The following BLTP2 variants were observed in gnomAD, a reference collection of about 807,000 sequenced individuals.
BLTP2 encodes bridge-like lipid transfer protein family member 2.
the BLTP2 span, chr17:28,642,101 A>G: frequency 1.2e-6 from 2 of 1,608,480 alleles, no homozygotes; most frequent in Non-Finnish European, 1.7e-6. Flanking sequence ...TAAGCCTCTA[A>G]GGTGTATGTA....
chr17:28,640,443 A>G, the BLTP2 span: 1 of 1,086,046 alleles, frequency 9.2e-7, no homozygotes, highest in Non-Finnish European at 1.4e-6. Flanking sequence ...GGATGTAACC[A>G]TTTCTACTTC....
At chr17:28,616,458 G>A in the BLTP2 span, 6 of 1,614,162 alleles carry the variant, frequency 3.7e-6, no homozygotes, top group East Asian at 4.5e-5. The surrounding 1 kb of genome is among the most constrained non-coding windows in gnomAD (Gnocchi z 4.8). Flanking sequence ...AGGGCCCAGT[G>A]GTACTGCATC....
the BLTP2 span, among the ~76,000 whole-genome samples, chr17:28,628,784 A>G: frequency 6.6e-6 from 1 of 152,172 alleles, no homozygotes; most frequent in Non-Finnish European, 1.5e-5. Flanking sequence ...AATACAAAAA[A>G]TTAGCTGGGC....
At chr17:28,622,502 C>G in the BLTP2 span, among the ~76,000 whole-genome samples, 42 of 152,272 alleles carry the variant, frequency 2.8e-4, no homozygotes, top group Non-Finnish European at 5.3e-4. Context: ...CCAGATACAG[C>G]TAAATCCTGT....
chr17:28,627,030 C>G, the BLTP2 span, among the ~76,000 whole-genome samples: 35 of 152,158 alleles, frequency 2.3e-4, no homozygotes, highest in African/African-American at 8.0e-4. Context: ...GATGCTGTCC[C>G]TGGGTAGATA....
the BLTP2 span, chr17:28,637,843 G>C: frequency 6.2e-7 from 1 of 1,613,738 alleles, no homozygotes; most frequent in African/African-American, 1.3e-5. Flanking sequence ...TACCAACCAA[G>C]GCAGAAAGGG....
chr17:28,623,510 ACAGTTC>A, the BLTP2 span, among the ~76,000 whole-genome samples: 1 of 152,122 alleles, frequency 6.6e-6, no homozygotes, highest in East Asian at 1.9e-4. Flanking sequence ...AATCTTAAAA[ACAGTTC>A]CAGTCCATTT....
At chr17:28,644,273 A>C in the BLTP2 span, 1 of 1,465,378 alleles carries the variant, frequency 6.8e-7, no homozygotes, top group Admixed American at 2.0e-5. Flanking sequence ...AGCCTTGCAA[A>C]AGGTCGTTCC....
chr17:28,630,793 T>A, the BLTP2 span, among the ~76,000 whole-genome samples: 1 of 152,130 alleles, frequency 6.6e-6, no homozygotes, highest in Non-Finnish European at 1.5e-5. Flanking sequence ...CCTCCCCCAC[T>A]GTATTTTAAA....
the BLTP2 span, chr17:28,634,389 C>T: frequency 1.5e-5 from 13 of 866,300 alleles, no homozygotes; most frequent in Non-Finnish European, 2.4e-5. Context: ...GGGAAGCCCA[C>T]CCATCCCACT....
chr17:28,637,232 A>C, the BLTP2 span: 2 of 1,304,240 alleles, frequency 1.5e-6, no homozygotes, highest in Admixed American at 1.8e-5. Flanking sequence ...AATAGTCCTC[A>C]CTCGCCTTTC....
the BLTP2 span, chr17:28,642,465 C>T: frequency 1.4e-6 from 1 of 735,206 alleles, no homozygotes; most frequent in Non-Finnish European, 2.4e-6. Context: ...TCCTGACTAA[C>T]ACGGTGAAAC....
the BLTP2 span, chr17:28,618,668 T>C: frequency 6.9e-6 from 5 of 722,984 alleles, no homozygotes; most frequent in South Asian, 4.0e-5. Context: ...ATATTAATGA[T>C]ACTATCATTA....
the BLTP2 span, chr17:28,637,092 A>C: frequency 6.2e-7 from 1 of 1,614,118 alleles, no homozygotes; most frequent in Non-Finnish European, 8.5e-7. Flanking sequence ...CAGCGCTAAC[A>C]CAAGTCCTTG....
chr17:28,626,800 C>T, the BLTP2 span, among the ~76,000 whole-genome samples: 1 of 152,274 alleles, frequency 6.6e-6, no homozygotes, highest in South Asian at 2.1e-4. Context: ...TGCATCTCTT[C>T]ATCCATATCC....
At chr17:28,616,738 G>C in the BLTP2 span, 309 of 1,614,086 alleles carry the variant, frequency 1.9e-4, no homozygotes, top group South Asian at 1.2e-3. This position sits in a 1 kb window ranked among gnomAD's most constrained non-coding sequence, Gnocchi z 4.8. Flanking sequence ...TGGATGGTGA[G>C]AGGCACCACA....
chr17:28,638,527 G>A, the BLTP2 span: 1 of 1,607,682 alleles, frequency 6.2e-7, no homozygotes, highest in South Asian at 1.1e-5. Flanking sequence ...GCCTTACCCA[G>A]AGAGATAGAA....
the BLTP2 span, chr17:28,632,302 T>C: frequency 7.0e-7 from 1 of 1,438,220 alleles, no homozygotes; most frequent in Non-Finnish European, 9.5e-7. Flanking sequence ...AGCTAAATCC[T>C]TCCCTTGCTG....
chr17:28,630,478 T>G, the BLTP2 span, among the ~76,000 whole-genome samples: 390 of 146,992 alleles, frequency 2.7e-3, 2 homozygotes, highest in African/African-American at 9.3e-3. Flanking sequence ...TTTTTTTTTT[T>G]TTTTTTTTTT....
Sources: gnomAD v4.1 joint callset for allele counts (sites outside exome capture counted in the v4.1 genomes callset) on GRCh38, gnomAD v4.1.1 for gene constraint, Gnocchi (gnomAD v3.1) non-coding constraint, MANE v1.5 for transcripts, NCBI Gene and HGNC (gene_info 2026-07-23, HGNC 2026-07-21) for gene names.